Variants in PSMD14 observed in about 807,000 individuals in gnomAD.
PSMD14 encodes the protein proteasome 26S subunit, non-ATPase 14, also known as ubiquitin C-terminal hydrolase PSMD14.
Under a neutral mutation model 41.2 loss-of-function variants are expected in PSMD14, and 7 were observed. The ratio of observed to expected loss-of-function variants is 0.17; its 90% CI spans 0.10 to 0.32. PSMD14 has a LOEUF of 0.32. Ranked by LOEUF, PSMD14 falls within the 10% of genes least tolerant of loss-of-function variation. The pLI, the probability that PSMD14 is intolerant of heterozygous loss-of-function variation, is 1.00. For synonymous variants in PSMD14, 114 were observed against 122.3 expected (o/e 0.93, Z 0.45); for missense variants, 139 against 375.6 (o/e 0.37, Z 5.21).
At chr2:161,339,784 C>T (rs1370808142) in intron 3 of PSMD14, among the ~76,000 whole-genome samples, 2 of 152,270 alleles carry the variant, frequency 1.3e-5, no homozygotes, top group Admixed American at 1.3e-4. Flanking sequence ...CCTGTTCTCC[C>T]CTAAGCCCTG....
intron 3 of PSMD14, among the ~76,000 whole-genome samples, chr2:161,344,783 A>G (rs72876099): frequency 1.4e-3 from 220 of 152,274 alleles, no homozygotes; most frequent in Non-Finnish European, 2.6e-3. Context: ...AGTTCTTTTT[A>G]TCTGTGGACA....
intron 2 of PSMD14, among the ~76,000 whole-genome samples, chr2:161,317,753 A>G (rs1689161463): frequency 6.6e-6 from 1 of 152,146 alleles, no homozygotes; most frequent in South Asian, 2.1e-4. Flanking sequence ...AGCAATTTGA[A>G]CTCGTAAAAC....
At chr2:161,378,252 C>T (rs548191819) in intron 7 of PSMD14, among the ~76,000 whole-genome samples, 16 of 152,060 alleles carry the variant, frequency 1.1e-4, no homozygotes, top group African/African-American at 3.6e-4. Context: ...TTCCATATAG[C>T]TTTACCATAT....
At chr2:161,369,029 C>T (rs530187115) in intron 5 of PSMD14, among the ~76,000 whole-genome samples, 2 of 151,984 alleles carry the variant, frequency 1.3e-5, no homozygotes, top group East Asian at 3.9e-4. Context: ...AAACACTCTA[C>T]ATGTTAACCA....
intron 7 of PSMD14, chr2:161,384,963 T>TA: frequency 6.6e-6 from 1 of 151,992 alleles, no homozygotes; most frequent in Admixed American, 6.6e-5. Flanking sequence ...AAGTAAAAGG[T>TA]ATCTGACTAG....
At chr2:161,363,718 C>T (rs963237001) in intron 3 of PSMD14, among the ~76,000 whole-genome samples, 1 of 152,128 alleles carries the variant, frequency 6.6e-6, no homozygotes, top group African/African-American at 2.4e-5. Context: ...GGGAAAAGTT[C>T]CCTTGTCCCC....
At chr2:161,348,429 G>A (rs527379912) in intron 3 of PSMD14, among the ~76,000 whole-genome samples, 43 of 152,300 alleles carry the variant, frequency 2.8e-4, no homozygotes, top group African/African-American at 1.0e-3. Flanking sequence ...TTTGCCGATA[G>A]GTTGTAGTTT....
intron 3 of PSMD14, among the ~76,000 whole-genome samples, chr2:161,362,678 GT>G (rs1339829965): frequency 1.3e-5 from 2 of 152,082 alleles, no homozygotes; most frequent in African/African-American, 2.4e-5. Context: ...TTGCTTCATT[GT>G]TTTCTGCCAT....
chr2:161,346,682 T>C (rs1683048175), intron 3 of PSMD14, among the ~76,000 whole-genome samples: 1 of 151,762 alleles, frequency 6.6e-6, no homozygotes, highest in African/African-American at 2.4e-5. Context: ...TAACCCTTGC[T>C]AGTTAAGACT....
intron 3 of PSMD14, among the ~76,000 whole-genome samples, chr2:161,332,959 T>C (rs923962298): frequency 3.3e-5 from 5 of 152,186 alleles, no homozygotes; most frequent in African/African-American, 1.2e-4. Flanking sequence ...GTAAACTCAT[T>C]TTCAAATATC....
At chr2:161,373,781 T>G (rs1483150448) in intron 7 of PSMD14, among the ~76,000 whole-genome samples, 1 of 151,954 alleles carries the variant, frequency 6.6e-6, no homozygotes, top group African/African-American at 2.4e-5. Flanking sequence ...ATTTCTGTCT[T>G]TGAGAAATTA....
chr2:161,389,781 A>G (rs1396286348), intron 8 of PSMD14, among the ~76,000 whole-genome samples: 2 of 151,896 alleles, frequency 1.3e-5, no homozygotes, highest in East Asian at 3.9e-4. Flanking sequence ...TAGAAAGAAC[A>G]TAGGCTATGG....
At chr2:161,400,608 C>T (rs563440645) in intron 10 of PSMD14, among the ~76,000 whole-genome samples, 8 of 152,210 alleles carry the variant, frequency 5.3e-5, no homozygotes, top group African/African-American at 1.9e-4. Flanking sequence ...GTCTGGAGTA[C>T]AATAGCATGA....
chr2:161,389,912 T>A (rs537040309), intron 8 of PSMD14, among the ~76,000 whole-genome samples: 1,394 of 130,242 alleles, frequency 0.011, 113 homozygotes, highest in African/African-American at 0.044. Flanking sequence ...TTTTTTTTTT[T>A]AGAGATGGGG....
chr2:161,324,477 A>G (rs1682664320), intron 3 of PSMD14, among the ~76,000 whole-genome samples: 1 of 152,236 alleles, frequency 6.6e-6, no homozygotes, highest in Non-Finnish European at 1.5e-5. Context: ...GTCAAGGCAT[A>G]TTCAAAAGGC....
At chr2:161,393,144 G>A (rs1039903363) in intron 9 of PSMD14, among the ~76,000 whole-genome samples, 9 of 152,092 alleles carry the variant, frequency 5.9e-5, no homozygotes, top group African/African-American at 1.4e-4. Context: ...CTCGAGGGTC[G>A]CAAGGGAATC....
At chr2:161,341,221 C>T (rs1025795115) in intron 3 of PSMD14, 64 of 977,404 alleles carry the variant, frequency 6.5e-5, no homozygotes, top group Middle Eastern at 1.0e-3. Flanking sequence ...CGGGCAGGCT[C>T]CGGGCTCGCG....
chr2:161,340,781 A>G, intron 3 of PSMD14: 4 of 1,613,030 alleles, frequency 2.5e-6, no homozygotes, highest in Non-Finnish European at 3.4e-6. Context: ...GCCAAAAGGA[A>G]AAGCCTTTAG....
intron 10 of PSMD14, among the ~76,000 whole-genome samples, chr2:161,402,698 GAA>G (rs11311339): frequency 2.7e-5 from 4 of 149,998 alleles, no homozygotes; most frequent in South Asian, 2.1e-4. Context: ...TTAAAAACAG[GAA>G]AAAAAAAAAG....
Sources: gnomAD v4.1 joint callset for allele counts (sites outside exome capture counted in the v4.1 genomes callset) on GRCh38, gnomAD v4.1.1 for gene constraint, MANE v1.5 for transcripts, NCBI Gene and HGNC (gene_info 2026-07-23, HGNC 2026-07-21) for gene names.